ARAP1: variants seen among roughly 807,000 people sequenced by gnomAD.
ARAP1 encodes the protein ArfGAP with RhoGAP domain, ankyrin repeat and PH domain 1, also known as arf-GAP with Rho-GAP domain, ANK repeat and PH domain-containing protein 1.
ARAP1 carries 76 observed loss-of-function variants against 172.2 expected under a neutral mutation model. The ratio of observed to expected loss-of-function variants is 0.44; its 90% CI spans 0.37 to 0.53. The LOEUF (loss-of-function observed/expected upper bound fraction) is 0.53. Ranked by LOEUF, ARAP1 falls within the 20% of genes least tolerant of loss-of-function variation. ARAP1 has a pLI of 0.00. For missense variants in ARAP1, 1,686 were observed against 1,977.5 expected (o/e 0.85, Z 2.80); for synonymous variants, 804 against 803.3 (o/e 1.00, Z -0.01).
chr11:72,699,704 AC>A lies in ARAP1; in HGVS notation c.2303-153del. Reference sequence around the variant, plus strand: ...AATCCATCCACCTCTCTGCATCCCCACCACGCTAGCCAGCCCACAAGTCATC... The same window carrying A: ...AATCCATCCACCTCTCTGCATCCCCACACGCTAGCCAGCCCACAAGTCATC... On this transcript the variant is annotated intron_variant, in intron 16 of 34. Transcript: ENST00000393609. The surrounding 1 kb of genome is among the most constrained non-coding windows in gnomAD (Gnocchi z 4.2). The A allele has an allele frequency of 9.1e-7, 1 of 1,098,388 alleles. No individual in the cohort carries two copies. Among genetic ancestry groups the A allele is most frequent in the Non-Finnish European group, 1.3e-6 (1 of 780,902 alleles). 68.0% of individuals were successfully genotyped at this position (1,098,388 alleles called of 1,614,324 possible). A position where few individuals can be genotyped will look rare whatever the true frequency, so the allele number is the denominator to read the frequency against.
chr11:72,723,561 T>C (rs1565226938), intron 3 of ARAP1, among the ~76,000 whole-genome samples: 5 of 152,128 alleles, frequency 3.3e-5, no homozygotes, highest in Admixed American at 2.0e-4. Context: ...CTTCCTAAAA[T>C]ATCTGGGATG....
At position 72,710,396 on chromosome 11, in the gene ARAP1, T is replaced by G. The variant is rs574447186; in HGVS notation, c.1405A>C (p.Lys469Gln). The G allele has an allele frequency of 6.2e-7, 1 of 1,613,958 alleles. No individual in the cohort carries two copies. Among genetic ancestry groups the G allele is most frequent in the African/African-American group, 1.3e-5 (1 of 74,988 alleles). Reference protein sequence around the residue: ...AVVGDKVQLYKNLEEYHLGIG... With the variant: ...AVVGDKVQLYQNLEEYHLGIG... ...TGACCCCTTAGCACCTCTAGATTCTTGTAGAGCTGCACTTTGTCCCCGACC... is the reference window on the plus strand; with the variant it reads ...TGACCCCTTAGCACCTCTAGATTCTGGTAGAGCTGCACTTTGTCCCCGACC... The change falls in exon 10 of 35, where the codon AAG becomes CAG. Residue 469 changes from lysine (K) to glutamine (Q), a missense_variant. Physicochemically the swap from Lys to Gln is moderately conservative, Grantham distance 53. Coordinates refer to ENST00000393609, the MANE Select transcript of ARAP1 (RefSeq NM_001040118.3). The surrounding 1 kb of genome is among the most constrained non-coding windows in gnomAD (Gnocchi z 4.3).
rs1856037692 is a variant in ARAP1 at position 72,693,633 on chromosome 11, A to C, written c.3808+59T>G. On this transcript the variant is annotated intron_variant, in intron 28 of 34. Coordinates refer to ENST00000393609, the MANE Select transcript of ARAP1 (RefSeq NM_001040118.3). The surrounding 1 kb of genome is among the most constrained non-coding windows in gnomAD (Gnocchi z 4.6). ...TTCCTACCTGGCACCACCAGGTCCCACCCTGGCTCTGGAAGAGAGGACCAC... is the reference window on the plus strand; with the variant it reads ...TTCCTACCTGGCACCACCAGGTCCCCCCCTGGCTCTGGAAGAGAGGACCAC... 5.2e-6 allele frequency: 8 copies of C among 1,542,852 alleles called. No individual in the cohort carries two copies. In the Admixed American group the frequency reaches 9.6e-5, roughly 18 times the overall value.
At chr11:72,696,468 G>A (rs1275582373) in intron 23 of ARAP1, 81 bp downstream of exon 23, 3 of 1,176,588 alleles carry the variant, frequency 2.5e-6, no homozygotes, top group African/African-American at 3.1e-5. Flanking sequence ...CTGGCTCCCA[G>A]AGGAGGGTAG....
At chr11:72,751,406 G>C (rs1047213152) in intron 1 of ARAP1, among the ~76,000 whole-genome samples, 1 of 152,072 alleles carries the variant, frequency 6.6e-6, no homozygotes, top group Non-Finnish European at 1.5e-5. Flanking sequence ...CTCCCCTGGG[G>C]CCTGCACCTG....
intron 1 of ARAP1, among the ~76,000 whole-genome samples, chr11:72,735,456 CATG>C (rs1857991939): frequency 6.6e-6 from 1 of 151,988 alleles, no homozygotes; most frequent in Non-Finnish European, 1.5e-5. Flanking sequence ...ATTAGCTGGG[CATG>C]GTGGTGGGTG....
intron 23 of ARAP1, 59 bp downstream of exon 23, chr11:72,696,490 G>T (rs370554665): frequency 9.5e-6 from 13 of 1,373,888 alleles, no homozygotes; most frequent in Admixed American, 2.6e-5. Flanking sequence ...CAGCCAGGGT[G>T]GGGGTAGAAG....
At chr11:72,727,690 C>T (rs938542429) in intron 2 of ARAP1, among the ~76,000 whole-genome samples, 7 of 152,236 alleles carry the variant, frequency 4.6e-5, no homozygotes, top group Non-Finnish European at 1.0e-4. Flanking sequence ...CCTCCCCCTA[C>T]CTCCATGCCC....
chr11:72,739,870 A>ATTGG (rs1858149583), intron 1 of ARAP1, among the ~76,000 whole-genome samples: 1 of 152,016 alleles, frequency 6.6e-6, no homozygotes, highest in Non-Finnish European at 1.5e-5. Flanking sequence ...AATGACTACC[A>ATTGG]CAGCCTACCT....
chr11:72,694,976 C>A lies in ARAP1; in HGVS notation c.3694+4G>T. 1 of 1,613,592 alleles carries A rather than the reference C, an allele frequency of 6.2e-7. No individual in the cohort carries two copies. Among genetic ancestry groups the A allele is most frequent in the South Asian group, 1.1e-5 (1 of 91,044 alleles). On this transcript the variant is annotated splice_donor_region_variant and intron_variant, in intron 27 of 34. Coordinates refer to ENST00000393609, the MANE Select transcript of ARAP1 (RefSeq NM_001040118.3). The stretch of plus-strand genomic sequence containing the variant: ...ACACCCTGCACAAGCCCAGCGTCAC[C>A]CACCTGCCTCCTCCCTCTCGTTGAC...
At chr11:72,715,098 C>A (rs1857215923) in intron 3 of ARAP1, among the ~76,000 whole-genome samples, 1 of 152,234 alleles carries the variant, frequency 6.6e-6, no homozygotes, top group Non-Finnish European at 1.5e-5. Flanking sequence ...GAATTTGAAT[C>A]CTGCCTTAGT....
At chr11:72,716,033 C>T (rs182994947) in intron 3 of ARAP1, among the ~76,000 whole-genome samples, 390 of 151,858 alleles carry the variant, frequency 2.6e-3, no homozygotes, top group African/African-American at 9.2e-3. Flanking sequence ...ATTAGCCGGA[C>T]GTGGTGGCAG....
intron 3 of ARAP1, among the ~76,000 whole-genome samples, chr11:72,720,058 G>A (rs576624356): frequency 8.5e-5 from 13 of 152,098 alleles, no homozygotes; most frequent in Non-Finnish European, 1.5e-4. Context: ...TCAGAGGACT[G>A]AGGACCCAGA....
chr11:72,709,296 T>G (rs565010832), intron 11 of ARAP1, among the ~76,000 whole-genome samples: 1 of 152,300 alleles, frequency 6.6e-6, no homozygotes, highest in East Asian at 1.9e-4. Flanking sequence ...CCCAGGAAAC[T>G]GAGGCACACA....
At chr11:72,697,833 T>TC in intron 19 of ARAP1, 78 bp downstream of exon 19, 1 of 1,490,400 alleles carries the variant, frequency 6.7e-7, no homozygotes, top group South Asian at 1.4e-5. Flanking sequence ...GAGTTCAGAT[T>TC]TCCAGGCAAG....
intron 1 of ARAP1, among the ~76,000 whole-genome samples, chr11:72,748,169 GGC>G (rs1485870979): frequency 6.6e-6 from 1 of 152,172 alleles, no homozygotes; most frequent in African/African-American, 2.4e-5. Context: ...CACACTGCCT[GGC>G]ACATAGTCAG....
chr11:72,694,960 A>G lies in ARAP1; in HGVS notation c.3694+20T>C. On this transcript the variant is annotated intron_variant, in intron 27 of 34. Coordinates refer to ENST00000393609, the MANE Select transcript of ARAP1 (RefSeq NM_001040118.3). ...CAAGACAAGCCATACCACACCCTGC[A>G]CAAGCCCAGCGTCACCCACCTGCCT... 1 of 1,607,336 alleles carries G rather than the reference A, an allele frequency of 6.2e-7. No homozygotes were observed. The highest frequency in any genetic ancestry group is 8.5e-7 in the Non-Finnish European group (1 of 1,174,536).
rs767935076 is a variant in ARAP1 at position 72,727,018 on chromosome 11, C to T, written c.111G>A (p.Glu37=). The change falls in exon 3 of 35, where the codon GAG becomes GAA. Residue 37 remains glutamate, a synonymous_variant. Transcript: ENST00000393609. ...GGCGGGTGTCGCTGAGGCCTTGGCA[C>T]TCAGTGGCCCACACCAGGCCATGCT... The part of the protein sequence containing the change: ...FEQHGLVWAT[E]CQGLSDTRLM... 2 of 1,609,498 alleles carry T rather than the reference C, an allele frequency of 1.2e-6. No homozygotes were observed. Among genetic ancestry groups the T allele is most frequent in the Admixed American group, 1.7e-5 (1 of 59,598 alleles).
At chr11:72,709,718 G>C in intron 11 of ARAP1, 152 bp downstream of exon 11, 1 of 764,382 alleles carries the variant, frequency 1.3e-6, no homozygotes, top group Non-Finnish European at 2.3e-6. Flanking sequence ...GAGAGGGTTA[G>C]CAAGTGACGG....
Sources: allele counts gnomAD v4.1 joint callset (sites outside exome capture counted in the v4.1 genomes callset), GRCh38; gene constraint gnomAD v4.1.1; non-coding constraint Gnocchi (gnomAD v3.1); transcripts MANE v1.5; gene names NCBI Gene and HGNC (gene_info 2026-07-23, HGNC 2026-07-21).